The following GABRB1 variants were observed in gnomAD, a reference collection of about 807,000 sequenced individuals.
The protein encoded by GABRB1 is gamma-aminobutyric acid receptor subunit beta-1.
In GABRB1, 17 loss-of-function variants were observed where a neutral mutation model predicts 51.6. The ratio of observed to expected loss-of-function variants is 0.33; its 90% CI spans 0.23 to 0.49. The LOEUF is 0.49. Among genes scored for constraint, GABRB1 ranks in the 20% least tolerant of loss-of-function variants. The pLI is 0.99. For missense variants in GABRB1, 410 were observed against 600.6 expected, an observed-to-expected ratio of 0.68 and a Z score of 3.32; for synonymous variants, 247 against 218.9, an observed-to-expected ratio of 1.13 and a Z score of -1.14.
chr4:47,301,477 T>C (rs886884657), intron 4 of GABRB1, among the ~76,000 whole-genome samples: 4 of 151,476 alleles, frequency 2.6e-5, no homozygotes. Context: ...ATCTCTACAA[T>C]AAAAAATTTA....
upstream of GABRB1, chr4:46,993,648 A>G (rs1723866679): frequency 3.6e-6 from 2 of 555,626 alleles, no homozygotes; most frequent in Non-Finnish European, 6.5e-6. Flanking sequence ...TCAGCGCTCA[A>G]TGTGTATGTA....
chr4:47,336,969 A>T (rs1191024451), intron 5 of GABRB1, among the ~76,000 whole-genome samples: 1 of 152,226 alleles, frequency 6.6e-6, no homozygotes, highest in Non-Finnish European at 1.5e-5. Flanking sequence ...TAGAAAAATA[A>T]TCCGCATGTA....
chr4:47,216,646 G>A (rs936415682), intron 4 of GABRB1, among the ~76,000 whole-genome samples: 6 of 151,958 alleles, frequency 3.9e-5, no homozygotes, highest in Admixed American at 1.3e-4. Flanking sequence ...GCAAATAGTC[G>A]TATGATAAGG....
chr4:47,246,593 G>A (rs1217362613), intron 4 of GABRB1, among the ~76,000 whole-genome samples: 2 of 150,872 alleles, frequency 1.3e-5, no homozygotes, highest in African/African-American at 4.9e-5. Flanking sequence ...AGTTCTTTGA[G>A]GAATCTTCAC....
rs933793951 is a variant in GABRB1 at position 47,376,137 on chromosome 4, C to T, written c.545-27181C>T. On this transcript the variant is annotated intron_variant, in intron 5 of 8. Coordinates refer to ENST00000295454, the MANE Select transcript of GABRB1 (RefSeq NM_000812.4). The stretch of plus-strand genomic sequence containing the variant: ...TACTATCCAAGAAGACTAAAATGTT[C>T]CCAAAGGAACATTGGAGTTTTGGGT... Among the ~76,000 whole-genome samples the T allele has an allele frequency of 2.0e-5, 3 of 152,182 alleles. No individual in the cohort carries two copies. The East Asian group carries it at 5.8e-4, about 29-fold the overall frequency.
intron 4 of GABRB1, among the ~76,000 whole-genome samples, chr4:47,169,114 AT>A (rs1718333180): frequency 6.6e-6 from 1 of 152,148 alleles, no homozygotes; most frequent in Admixed American, 6.6e-5. Flanking sequence ...CCACATATGA[AT>A]TTGACGAGAC....
At chr4:47,338,343 A>G (rs941458015) in intron 5 of GABRB1, among the ~76,000 whole-genome samples, 7 of 152,212 alleles carry the variant, frequency 4.6e-5, no homozygotes, top group African/African-American at 1.7e-4. Flanking sequence ...TAGGATGACA[A>G]GATGACTACA....
At chr4:47,005,902 G>C (rs1301893697) in intron 1 of GABRB1, among the ~76,000 whole-genome samples, 1 of 145,062 alleles carries the variant, frequency 6.9e-6, no homozygotes, top group Non-Finnish European at 1.5e-5. Flanking sequence ...GAATACAAAT[G>C]TCTTCTTTCC....
At chr4:47,228,071 C>T (rs766346959) in intron 4 of GABRB1, among the ~76,000 whole-genome samples, 1 of 152,132 alleles carries the variant, frequency 6.6e-6, no homozygotes, top group Non-Finnish European at 1.5e-5. Context: ...GGAAGGAACA[C>T]AGTTTAGTCC....
chr4:47,282,955 A>G (rs114081824), intron 4 of GABRB1, among the ~76,000 whole-genome samples: 1,890 of 152,288 alleles, frequency 0.012, 20 homozygotes, highest in Middle Eastern at 0.027. Context: ...GGGCTGAACT[A>G]TGTGCTGTGG....
intron 5 of GABRB1, among the ~76,000 whole-genome samples, chr4:47,356,400 G>A (rs1475804134): frequency 2.0e-5 from 3 of 152,154 alleles, no homozygotes; most frequent in African/African-American, 4.8e-5. Flanking sequence ...AGCATTCTCT[G>A]TTCCTCAAAA....
chr4:47,137,045 G>A (rs1239431464), intron 3 of GABRB1, among the ~76,000 whole-genome samples: 1 of 152,072 alleles, frequency 6.6e-6, no homozygotes, highest in East Asian at 1.9e-4. Context: ...AATGCGGAAA[G>A]GGCGCCACAG....
intron 5 of GABRB1, among the ~76,000 whole-genome samples, chr4:47,355,366 G>A (rs1446605857): frequency 6.6e-6 from 1 of 152,046 alleles, no homozygotes. Flanking sequence ...ACAATGTGCA[G>A]GTAGTGTCTA....
rs1211644405 is a variant in GABRB1 at position 47,150,347 on chromosome 4, CAT to C, written c.241-10900_241-10899del. 5.5e-5 allele frequency among the ~76,000 whole-genome samples: 7 copies of C among 128,298 alleles called. No homozygotes were observed. In the East Asian group the frequency reaches 1.1e-3, roughly 20 times the overall value. The allele number at this position is 128,298 out of a possible 152,430, so 84.2% of individuals were successfully genotyped here. A position where few individuals can be genotyped will look rare whatever the true frequency, so the allele number is the denominator to read the frequency against. ...ACACACACACACACACACACACGCA[CAT>C]ACACACACACACACGCACATACACA... On this transcript the variant is annotated intron_variant, in intron 3 of 8. Transcript: ENST00000295454.
chr4:47,113,495 CA>C, intron 3 of GABRB1, among the ~76,000 whole-genome samples: 1 of 149,882 alleles, frequency 6.7e-6, no homozygotes, highest in East Asian at 2.0e-4. Flanking sequence ...TAGAAATATA[CA>C]AAATGAGAAT....
At chr4:47,157,493 T>TA (rs1300506778) in intron 3 of GABRB1, among the ~76,000 whole-genome samples, 4 of 152,138 alleles carry the variant, frequency 2.6e-5, no homozygotes, top group East Asian at 1.9e-4. Context: ...AAGGGACGGA[T>TA]AAAAAAATTG....
chr4:47,277,738 A>G (rs1263884578), intron 4 of GABRB1, among the ~76,000 whole-genome samples: 1 of 152,052 alleles, frequency 6.6e-6, no homozygotes, highest in Non-Finnish European at 1.5e-5. Context: ...ACATCTAATT[A>G]CAATTTATTG....
At chr4:47,310,802 T>C (rs946106674) in intron 4 of GABRB1, among the ~76,000 whole-genome samples, 10 of 152,274 alleles carry the variant, frequency 6.6e-5, no homozygotes, top group African/African-American at 2.2e-4. Flanking sequence ...GATGTCCATG[T>C]CCTAAATTCT....
intron 5 of GABRB1, among the ~76,000 whole-genome samples, chr4:47,362,757 C>T (rs745384397): frequency 2.0e-5 from 3 of 152,066 alleles, no homozygotes; most frequent in Non-Finnish European, 4.4e-5. Flanking sequence ...AGTCCTCAGG[C>T]GTCAACTGTT....
Sources: gnomAD v4.1 joint callset for allele counts (sites outside exome capture counted in the v4.1 genomes callset) on GRCh38, gnomAD v4.1.1 for gene constraint, MANE v1.5 for transcripts, NCBI Gene and HGNC (gene_info 2026-07-23, HGNC 2026-07-21) for gene names.